The following CD200R1L variants were observed in gnomAD, a reference collection of about 807,000 sequenced individuals.
CD200R1L encodes cell surface glycoprotein CD200 receptor 2.
A neutral mutation model predicts 24.8 loss-of-function variants in CD200R1L; 14 were observed. That is an observed-to-expected ratio of 0.56 (90% CI 0.37 to 0.88). CD200R1L has a LOEUF of 0.88. Among genes scored for constraint, CD200R1L ranks in the 40% least tolerant of loss-of-function variants. The pLI, the probability that CD200R1L is intolerant of heterozygous loss-of-function variation, is 0.00. For missense variants in CD200R1L, 299 were observed against 297.8 expected (o/e 1.00, Z -0.03); for synonymous variants, 111 against 109.2 (o/e 1.02, Z -0.11).
intron 3 of CD200R1L, among the ~76,000 whole-genome samples, chr3:112,834,801 C>T (rs1938893276): frequency 6.6e-6 from 1 of 152,234 alleles, no homozygotes; most frequent in African/African-American, 2.4e-5. Context: ...CAGCCAGGCA[C>T]ACTACCTGCA....
At chr3:112,846,324 A>T (rs1939200745) in intron 1 of CD200R1L, among the ~76,000 whole-genome samples, 1 of 152,192 alleles carries the variant, frequency 6.6e-6, no homozygotes, top group South Asian at 2.1e-4. Context: ...ATTCTTTGCA[A>T]ATTTCAATTT....
Position 112,827,611 on chromosome 3 carries a change from C to G in CD200R1L, c.123G>C (p.Leu41Phe). ...LCCPPIALRN[L>F]IIITWEIILR... ...GGATTATTTCCCATGTTATTATGAT[C>G]AAATTTCTTAATGCGATAGGAGGGC... Residue 41 changes from leucine (L) to phenylalanine (F), a missense_variant, in exon 5 of 8, where the codon TTG becomes TTC. Physicochemically the swap from Leu to Phe is conservative, Grantham distance 22 (BLOSUM62 0). Coordinates refer to ENST00000488794, the MANE Select transcript of CD200R1L (RefSeq NM_001199215.3). 1 of 1,613,876 alleles carries G rather than the reference C, an allele frequency of 6.2e-7. No homozygotes were observed.
At chr3:112,817,552 A>C (rs2107325432) in intron 7 of CD200R1L, among the ~76,000 whole-genome samples, 1 of 152,318 alleles carries the variant, frequency 6.6e-6, no homozygotes, top group East Asian at 1.9e-4. Flanking sequence ...AAATATTCTG[A>C]GAAGGGCAGA....
intron 3 of CD200R1L, among the ~76,000 whole-genome samples, chr3:112,834,924 G>C (rs928580852): frequency 3.3e-5 from 5 of 152,208 alleles, no homozygotes; most frequent in Non-Finnish European, 7.3e-5. Context: ...CAGAAGCTTG[G>C]AGACACCAGG....
At chr3:112,830,969 A>G (rs1422717143) in intron 3 of CD200R1L, among the ~76,000 whole-genome samples, 1 of 152,092 alleles carries the variant, frequency 6.6e-6, no homozygotes, top group Non-Finnish European at 1.5e-5. Flanking sequence ...CTCATGTGAG[A>G]TATCCACACG....
At chr3:112,818,955 G>A (rs529068852) in intron 7 of CD200R1L, among the ~76,000 whole-genome samples, 10 of 152,278 alleles carry the variant, frequency 6.6e-5, no homozygotes, top group South Asian at 6.2e-4. Context: ...GGTAATTTAC[G>A]AAGAAAAGAC....
Position 112,845,844 on chromosome 3 carries a change from G to C in CD200R1L, c.-252C>G. The C allele has an allele frequency of 1.4e-6, 1 of 732,514 alleles. No individual in the cohort carries two copies. The highest frequency in any genetic ancestry group is 2.3e-6 in the Non-Finnish European group (1 of 428,530). 45.4% of individuals were successfully genotyped at this position (732,514 alleles called of 1,614,324 possible). A position where few individuals can be genotyped will look rare whatever the true frequency, so the allele number is the denominator to read the frequency against. On this transcript the variant is annotated 5_prime_UTR_variant, in exon 2 of 8. Coordinates refer to ENST00000488794, the MANE Select transcript of CD200R1L (RefSeq NM_001199215.3). ...ACTTTTGCTTATTCTGTCTTCAACA[G>C]GATTGCAAAACATATTTCTTCATTA...
chr3:112,838,521 T>C (rs551007193), intron 2 of CD200R1L, among the ~76,000 whole-genome samples: 2 of 148,664 alleles, frequency 1.3e-5, no homozygotes, highest in South Asian at 4.2e-4. Flanking sequence ...CCTCTCAAGG[T>C]AAAAAATGAC....
chr3:112,832,890 C>T (rs1282526621), intron 3 of CD200R1L, among the ~76,000 whole-genome samples: 1 of 152,166 alleles, frequency 6.6e-6, no homozygotes, highest in Non-Finnish European at 1.5e-5. Flanking sequence ...GCTATCTGGG[C>T]ATTTTGCAAA....
At chr3:112,816,019 G>A (rs1320443425) in intron 7 of CD200R1L, 44 bp from the exon 8 acceptor site, 2 of 777,994 alleles carry the variant, frequency 2.6e-6, no homozygotes, top group African/African-American at 1.7e-5. Flanking sequence ...TCATTTTCCA[G>A]AGCTTATGCA....
intron 3 of CD200R1L, among the ~76,000 whole-genome samples, chr3:112,834,177 A>G (rs944320431): frequency 6.6e-6 from 1 of 151,686 alleles, no homozygotes; most frequent in African/African-American, 2.4e-5. Flanking sequence ...AGTTCATAGA[A>G]TAAACTGGAT....
chr3:112,832,920 T>G (rs1015064842), intron 3 of CD200R1L, among the ~76,000 whole-genome samples: 2 of 152,254 alleles, frequency 1.3e-5, no homozygotes, highest in East Asian at 3.8e-4. Flanking sequence ...ATTGGTCTAC[T>G]ATATTGATGA....
chr3:112,826,819 A>G (rs1223175286), intron 6 of CD200R1L, among the ~76,000 whole-genome samples, 174 bp downstream of exon 6: 1 of 152,226 alleles, frequency 6.6e-6, no homozygotes, highest in Non-Finnish European at 1.5e-5. Flanking sequence ...ATCTATTTTT[A>G]TGGCTGTTCT....
At chr3:112,838,286 AGT>A (rs1939004028) in intron 2 of CD200R1L, among the ~76,000 whole-genome samples, 1 of 152,180 alleles carries the variant, frequency 6.6e-6, no homozygotes, top group Non-Finnish European at 1.5e-5. Flanking sequence ...AGTCTGTACC[AGT>A]CTTTTGCCAG....
chr3:112,836,911 A>G (rs1034427240), intron 3 of CD200R1L, among the ~76,000 whole-genome samples: 4 of 152,220 alleles, frequency 2.6e-5, no homozygotes, highest in African/African-American at 9.7e-5. Context: ...AATTTAGAAA[A>G]CATTTCTCCT....
rs1047036334 is a variant in CD200R1L, at chr3:112,819,889, C to T, written c.623G>A (p.Arg208Lys). 1 of 1,593,286 alleles carries T rather than the reference C, an allele frequency of 6.3e-7. No individual in the cohort carries two copies. The highest frequency in any genetic ancestry group is 1.4e-5 in the African/African-American group (1 of 73,578). Residue 208 changes from arginine (R) to lysine (K), a missense_variant, in exon 7 of 8, where the codon AGA (arginine) becomes AAA (lysine). Transcript: ENST00000488794. ...GGACAACGCTGGAGATCCTGAGGTT[C>T]TGAGACCTTTAAATACAGACAGGGG... ...SLSVKLNSGL[R>K]TSGSPALSLL...
chr3:112,819,717 AAT>A lies in CD200R1L; in HGVS notation c.740+53_740+54del, dbSNP rs987656207. 3.4e-6 allele frequency: 5 copies of A among 1,471,242 alleles called. No individual in the cohort carries two copies. The African/African-American group carries it at 8.0e-5, about 23-fold the overall frequency. The allele number at this position is 1,471,242 out of a possible 1,614,324, so 91.1% of individuals were successfully genotyped here. A position where few individuals can be genotyped will look rare whatever the true frequency, so the allele number is the denominator to read the frequency against. ...GTACATTGTAAACTCAAAATGTTAC[AAT>A]GATACTTTTTTTTTTCTACTGTGTC... On this transcript the variant is annotated intron_variant, in intron 7 of 7. Coordinates refer to ENST00000488794, the MANE Select transcript of CD200R1L (RefSeq NM_001199215.3).
intron 3 of CD200R1L, among the ~76,000 whole-genome samples, chr3:112,831,202 G>A (rs1215273543): frequency 6.6e-6 from 1 of 152,082 alleles, no homozygotes; most frequent in Admixed American, 6.5e-5. Context: ...TTAACTAATT[G>A]TCTTCAGCTT....
chr3:112,820,408 A>G (rs1938506349), intron 6 of CD200R1L, among the ~76,000 whole-genome samples: 2 of 152,102 alleles, frequency 1.3e-5, no homozygotes, highest in African/African-American at 4.8e-5. Flanking sequence ...AGATAAATCA[A>G]ACTAATTAGG....
Sources: allele counts gnomAD v4.1 joint callset (sites outside exome capture counted in the v4.1 genomes callset), GRCh38; gene constraint gnomAD v4.1.1; transcripts MANE v1.5; gene names NCBI Gene and HGNC (gene_info 2026-07-23, HGNC 2026-07-21).